Variants in COBL observed in about 807,000 individuals in gnomAD.
COBL encodes the protein cordon-bleu WH2 repeat protein, also known as protein cordon-bleu.
A neutral mutation model predicts 98.8 loss-of-function variants in COBL; 51 were observed. That is an observed-to-expected ratio of 0.52 (90% CI 0.41 to 0.65). The LOEUF (loss-of-function observed/expected upper bound fraction) is 0.65. Ranked by LOEUF, COBL falls within the 30% of genes least tolerant of loss-of-function variation. The pLI is 0.00. For missense variants in COBL, 1,617 were observed against 1,617.5 expected, an observed-to-expected ratio of 1.00 and a Z score of 0.01; for synonymous variants, 634 against 651.7, an observed-to-expected ratio of 0.97 and a Z score of 0.41.
At chr7:51,136,072 G>A in intron 6 of COBL, 86 bp downstream of exon 6, 1 of 1,493,774 alleles carries the variant, frequency 6.7e-7, no homozygotes, top group African/African-American at 1.4e-5. Context: ...AAACATGAAG[G>A]ATTACTGTGT....
chr7:51,088,346 C>A (rs1419754648), intron 6 of COBL, among the ~76,000 whole-genome samples: 14 of 106,002 alleles, frequency 1.3e-4, no homozygotes, highest in Admixed American at 1.3e-3. Flanking sequence ...TGATTTCCCC[C>A]CCTCTTGGAA....
rs770765660 is a variant in COBL at position 51,029,078 on chromosome 7, T to C, written c.2018A>G (p.Glu673Gly). 79 of 1,614,108 alleles carry C rather than the reference T, an allele frequency of 4.9e-5. No individual in the cohort carries two copies. Among genetic ancestry groups the C allele is most frequent in the Non-Finnish European group, 6.3e-5 (74 of 1,180,048 alleles). The change falls in exon 10 of 13, where the codon GAA (glutamate) becomes GGA (glycine). Residue 673 changes from glutamate to glycine, a missense_variant. Transcript: ENST00000265136. ...AGCGTTTTTATCGTTGCTGTCCTTTTCATTCACCGGTTGGGAATTCACTCT... is the reference window on the plus strand; with the variant it reads ...AGCGTTTTTATCGTTGCTGTCCTTTCCATTCACCGGTTGGGAATTCACTCT... ...TERVNSQPVN[E>G]KDSNDKNAAL...
At position 51,029,262 on chromosome 7, in the gene COBL, G is replaced by A. The variant is rs778387480; in HGVS notation, c.1834C>T (p.Arg612Cys). ...PASHDVGKGI[R>C]VALSNISKDG... ...TTAGAGATGTTAGATAAGGCCACAC[G>A]GATTCCTTTTCCGACGTCATGGGAA... The change falls in exon 10 of 13, where the codon CGT (arginine) becomes TGT (cysteine). Residue 612 changes from arginine to cysteine, a missense_variant. By Grantham distance (180) the Arg-to-Cys change is radical (BLOSUM62 -3). Around this residue, in one of 3 missense-constraint regions of COBL, gnomAD observed 1,304 missense variants for 1,282.0 expected, o/e 1.02. Coordinates refer to ENST00000265136, the MANE Select transcript of COBL (RefSeq NM_015198.5). 6.8e-6 allele frequency: 11 copies of A among 1,610,554 alleles called. No homozygotes were observed. The highest frequency in any genetic ancestry group is 2.2e-5 in the East Asian group (1 of 44,852).
chr7:51,219,248 T>C (rs1393924777), intron 2 of COBL, among the ~76,000 whole-genome samples: 3 of 152,202 alleles, frequency 2.0e-5, no homozygotes, highest in Non-Finnish European at 4.4e-5. Context: ...TTGGGTTGGT[T>C]TATTCCTTCA....
At chr7:51,276,179 CTGGG>C (rs1799293062) in intron 1 of COBL, among the ~76,000 whole-genome samples, 1 of 152,196 alleles carries the variant, frequency 6.6e-6, no homozygotes, top group Non-Finnish European at 1.5e-5. Flanking sequence ...CAGATATGGG[CTGGG>C]TGACAGCACT....
At chr7:51,271,657 G>A (rs1048983021) in intron 1 of COBL, among the ~76,000 whole-genome samples, 1 of 152,126 alleles carries the variant, frequency 6.6e-6, no homozygotes, top group African/African-American at 2.4e-5. Flanking sequence ...AGACTGAGGA[G>A]GGAAAAAACT....
chr7:51,046,777 C>T (rs539983251), intron 7 of COBL, among the ~76,000 whole-genome samples: 20 of 152,194 alleles, frequency 1.3e-4, no homozygotes, highest in African/African-American at 4.8e-4. Flanking sequence ...CTCTGAGGGG[C>T]TTCCCTAGAG....
At chr7:51,284,334 T>G (rs1036239285) in intron 1 of COBL, among the ~76,000 whole-genome samples, 1 of 150,790 alleles carries the variant, frequency 6.6e-6, no homozygotes, top group African/African-American at 2.4e-5. Flanking sequence ...TACACTACAA[T>G]CAAGGAGGTT....
intron 6 of COBL, among the ~76,000 whole-genome samples, chr7:51,120,899 C>A: frequency 6.6e-6 from 1 of 152,126 alleles, no homozygotes; most frequent in East Asian, 1.9e-4. Flanking sequence ...GAACAAACCA[C>A]AGTTTATCTA....
At chr7:51,177,878 C>T (rs1344928750) in intron 5 of COBL, among the ~76,000 whole-genome samples, 1 of 151,920 alleles carries the variant, frequency 6.6e-6, no homozygotes, top group Admixed American at 6.6e-5. Context: ...GGCACGGTGG[C>T]TCATGCCTGT....
At chr7:51,073,451 A>G (rs1583689229) in intron 7 of COBL, 3 of 616,112 alleles carry the variant, frequency 4.9e-6, no homozygotes, top group Non-Finnish European at 9.0e-6. Flanking sequence ...ATCTGCCATT[A>G]TCATTCATTT....
intron 6 of COBL, among the ~76,000 whole-genome samples, chr7:51,133,793 A>G (rs1021795430): frequency 6.6e-6 from 1 of 152,248 alleles, no homozygotes; most frequent in African/African-American, 2.4e-5. Flanking sequence ...TAGAAATAAT[A>G]AACACACATG....
chr7:51,283,469 G>T (rs1799988027), intron 1 of COBL, among the ~76,000 whole-genome samples: 1 of 152,064 alleles, frequency 6.6e-6, no homozygotes, highest in African/African-American at 2.4e-5. Context: ...TTAAAAATTT[G>T]AATCTGTAGT....
At chr7:51,108,863 G>A (rs2128973869) in intron 6 of COBL, among the ~76,000 whole-genome samples, 1 of 150,922 alleles carries the variant, frequency 6.6e-6, no homozygotes, top group Non-Finnish European at 1.5e-5. Flanking sequence ...AAAGACACCT[G>A]CCTACTTCTC....
chr7:51,131,827 T>C (rs984405713), intron 6 of COBL, among the ~76,000 whole-genome samples: 22 of 152,110 alleles, frequency 1.4e-4, no homozygotes, highest in Non-Finnish European at 2.6e-4. Flanking sequence ...CTCCTGACCT[T>C]GTGATCTGCC....
At chr7:51,067,181 G>A (rs1393930497) in intron 7 of COBL, among the ~76,000 whole-genome samples, 1 of 152,178 alleles carries the variant, frequency 6.6e-6, no homozygotes, top group Non-Finnish European at 1.5e-5. Context: ...ACTGTCCTTG[G>A]CCTCATATCT....
chr7:51,139,369 G>C (rs1289211332), intron 5 of COBL, among the ~76,000 whole-genome samples: 1 of 152,196 alleles, frequency 6.6e-6, no homozygotes, highest in Non-Finnish European at 1.5e-5. Context: ...GAAGGCGGAA[G>C]TGCACCCCAT....
chr7:51,138,881 C>T (rs1799485880), intron 5 of COBL, among the ~76,000 whole-genome samples: 2 of 152,322 alleles, frequency 1.3e-5, no homozygotes, highest in African/African-American at 4.8e-5. Flanking sequence ...TCCACCCTGT[C>T]TAGACATGGA....
At chr7:51,138,220 C>G (rs770316776) in intron 5 of COBL, among the ~76,000 whole-genome samples, 4 of 152,168 alleles carry the variant, frequency 2.6e-5, no homozygotes, top group Non-Finnish European at 5.9e-5. Context: ...CCAGAACACT[C>G]GTCAATGCCT....
Sources: allele counts gnomAD v4.1 joint callset (sites outside exome capture counted in the v4.1 genomes callset), GRCh38; gene constraint gnomAD v4.1.1; regional missense constraint gnomAD v4.1.1; transcripts MANE v1.5; gene names NCBI Gene and HGNC (gene_info 2026-07-23, HGNC 2026-07-21).